Variants in OLIG1 observed in about 807,000 individuals in gnomAD.
OLIG1 encodes basic domain, helix-loop-helix protein, class B, 6.
OLIG1 carries 9 observed loss-of-function variants against 13.5 expected under a neutral mutation model. The observed-to-expected ratio is 0.67, with a 90% CI of 0.40 to 1.17. OLIG1 has a LOEUF of 1.17. Among genes scored for constraint, OLIG1 ranks in the 50% most tolerant of loss-of-function variants. The pLI, the probability that OLIG1 is intolerant of heterozygous loss-of-function variation, is 0.01. For synonymous variants in OLIG1, 215 were observed against 208.3 expected (o/e 1.03, Z -0.28); for missense variants, 362 against 392.2 (o/e 0.92, Z 0.65).
In OLIG1 at chr21:33,072,292, A is replaced by AT. The variant is rs1226996897; in HGVS notation, c.*1234dup. The AT allele has an allele frequency of 3.6e-5, 6 of 167,042 alleles. No homozygotes were observed. The highest frequency in any genetic ancestry group is 1.4e-4 in the African/African-American group (6 of 41,432). 10.3% of individuals were successfully genotyped at this position (167,042 alleles called of 1,614,324 possible). ...TATGACCTTTCCGCAGTTTACTTTG[A>AT]TTTTCTATGTTTAAGGTTTTGGTTG... On this transcript the variant is annotated 3_prime_UTR_variant, in exon 1 of 1. Transcript: ENST00000382348.
At position 33,071,135 on chromosome 21, in the gene OLIG1, T is replaced by A; in HGVS notation, c.*73T>A. 7.7e-7 allele frequency: 1 copy of A among 1,303,810 alleles called. No homozygotes were observed. The highest frequency in any genetic ancestry group is 1.0e-6 in the Non-Finnish European group (1 of 997,398). 80.8% of individuals were successfully genotyped at this position (1,303,810 alleles called of 1,614,324 possible). A position where few individuals can be genotyped will look rare whatever the true frequency, so the allele number is the denominator to read the frequency against. ...TCAGCTTCTCCGCGCCCCTGCTCCCTGCGTCTGGGAGAGCGAGGCCGAGCA... is the reference window on the plus strand; with the variant it reads ...TCAGCTTCTCCGCGCCCCTGCTCCCAGCGTCTGGGAGAGCGAGGCCGAGCA... On this transcript the variant is annotated 3_prime_UTR_variant, in exon 1 of 1. Transcript: ENST00000382348. This position sits in a 1 kb window ranked among gnomAD's most constrained non-coding sequence, Gnocchi z 6.0.
rs1982225001 is a variant in OLIG1 at position 33,071,392 on chromosome 21, T to C, written c.*330T>C. On this transcript the variant is annotated 3_prime_UTR_variant, in exon 1 of 1. Transcript: ENST00000382348. The surrounding 1 kb of genome is among the most constrained non-coding windows in gnomAD (Gnocchi z 6.0). ...GCGCTTCGCGGGGCCGATGTAGAAC[T>C]TAGGGCGCCTTGCCGTGGTTGGCGC... The C allele has an allele frequency of 5.1e-6, 1 of 197,930 alleles. No homozygotes were observed. The highest frequency in any genetic ancestry group is 6.2e-5 in the Admixed American group (1 of 16,018). 12.3% of individuals were successfully genotyped at this position (197,930 alleles called of 1,614,324 possible).
Position 33,071,059 on chromosome 21 carries a change from G to C in OLIG1, c.813G>C (p.Lys271Asn). 2 of 1,482,586 alleles carry C rather than the reference G, an allele frequency of 1.3e-6. No homozygotes were observed. The highest frequency in any genetic ancestry group is 1.8e-6 in the Non-Finnish European group (2 of 1,117,788). 91.8% of individuals were successfully genotyped at this position (1,482,586 alleles called of 1,614,324 possible). ...GLAAVQAQFS[K>N] ...CCGCCGTGCAGGCGCAATTCTCCAA[G>C]TGAGGGCGGGCCTGGGCCTGGGGCG... is the stretch of plus-strand genomic sequence containing the variant. The change falls in exon 1 of 1, where the codon AAG becomes AAC. Residue 271 changes from lysine to asparagine, a missense_variant. Physicochemically the swap from Lys to Asn is moderately conservative, Grantham distance 94. Coordinates refer to ENST00000382348, the MANE Select transcript of OLIG1 (RefSeq NM_138983.3). The surrounding 1 kb of genome is among the most constrained non-coding windows in gnomAD (Gnocchi z 6.0).
At position 33,070,876 on chromosome 21, in the gene OLIG1, C is replaced by T. The variant is rs1982205413; in HGVS notation, c.630C>T (p.Pro210=). Reference sequence around the variant, plus strand: ...TGCTGGCGCCCGGCGCCGTAGGACCCCCCGACGCGCTGCGCCCCGCCAAGT... The same window carrying T: ...TGCTGGCGCCCGGCGCCGTAGGACCTCCCGACGCGCTGCGCCCCGCCAAGT... ...SVLLAPGAVG[P]PDALRPAKYL... The change falls in exon 1 of 1, where the codon CCC becomes CCT. Residue 210 remains proline, a synonymous_variant. Coordinates refer to ENST00000382348, the MANE Select transcript of OLIG1 (RefSeq NM_138983.3). The surrounding 1 kb of genome is among the most constrained non-coding windows in gnomAD (Gnocchi z 5.9). The T allele has an allele frequency of 1.5e-6, 2 of 1,296,588 alleles. No homozygotes were observed. Among genetic ancestry groups the T allele is most frequent in the African/African-American group, 1.6e-5 (1 of 64,096 alleles). The allele number at this position is 1,296,588 out of a possible 1,614,324, so 80.3% of individuals were successfully genotyped here. A position where few individuals can be genotyped will look rare whatever the true frequency, so the allele number is the denominator to read the frequency against.
In OLIG1 at chr21:33,070,559, C is replaced by G. The variant is rs1296421457; in HGVS notation, c.313C>G (p.Gln105Glu). The change falls in exon 1 of 1, where the codon CAG (glutamine) becomes GAG (glutamate). Residue 105 changes from glutamine to glutamate, a missense_variant. By Grantham distance (29) the Gln-to-Glu change is conservative. Transcript: ENST00000382348. This position sits in a 1 kb window ranked among gnomAD's most constrained non-coding sequence, Gnocchi z 5.9. ...GGACGCCAAGGAGGAGCAGCAGCAG[C>G]AGCTGCGGCGCAAGATCAACAGCCG... ...RPDAKEEQQQ[Q>E]LRRKINSRER... 6.6e-7 allele frequency: 1 copy of G among 1,524,786 alleles called. No individual in the cohort carries two copies. Among genetic ancestry groups the G allele is most frequent in the Non-Finnish European group, 8.8e-7 (1 of 1,142,496 alleles). 94.5% of individuals were successfully genotyped at this position (1,524,786 alleles called of 1,614,324 possible).
At position 33,070,191 on chromosome 21, in the gene OLIG1, G is replaced by A. The variant is rs1375180382; in HGVS notation, c.-56G>A. ...CGCGGGGAGGGGCGGCCTGCCGACC[G>A]GCCCACCCCAGGGCGTTCCTGAAGG... On this transcript the variant is annotated 5_prime_UTR_variant, in exon 1 of 1. Coordinates refer to ENST00000382348, the MANE Select transcript of OLIG1 (RefSeq NM_138983.3). This position sits in a 1 kb window ranked among gnomAD's most constrained non-coding sequence, Gnocchi z 5.9. 7.1e-7 allele frequency: 1 copy of A among 1,416,538 alleles called. No homozygotes were observed. Among genetic ancestry groups the A allele is most frequent in the Non-Finnish European group, 9.2e-7 (1 of 1,082,876 alleles). The allele number at this position is 1,416,538 out of a possible 1,614,324, so 87.7% of individuals were successfully genotyped here.
chr21:33,070,759 G>A lies in OLIG1; in HGVS notation c.513G>A (p.Leu171=). ...TGCTGGGCAGCTCGCTGCAGGAGCT[G>A]CGCCGCGCGCTGGGCGAGGGCGCCG... ...ILLLGSSLQE[L]RRALGEGAGP... The change falls in exon 1 of 1, where the codon CTG becomes CTA. Residue 171 remains leucine (L), a synonymous_variant. Coordinates refer to ENST00000382348, the MANE Select transcript of OLIG1 (RefSeq NM_138983.3). This position sits in a 1 kb window ranked among gnomAD's most constrained non-coding sequence, Gnocchi z 5.9. The A allele has an allele frequency of 8.0e-7, 1 of 1,255,832 alleles. No individual in the cohort carries two copies. The highest frequency in any genetic ancestry group is 3.2e-5 in the South Asian group (1 of 31,282). 77.8% of individuals were successfully genotyped at this position (1,255,832 alleles called of 1,614,324 possible).
rs1015762881 is a variant in OLIG1, at chr21:33,071,387, A to T, written c.*325A>T. On this transcript the variant is annotated 3_prime_UTR_variant, in exon 1 of 1. Coordinates refer to ENST00000382348, the MANE Select transcript of OLIG1 (RefSeq NM_138983.3). This position sits in a 1 kb window ranked among gnomAD's most constrained non-coding sequence, Gnocchi z 6.0. The stretch of plus-strand genomic sequence containing the variant: ...GTTGCGCGCTTCGCGGGGCCGATGT[A>T]GAACTTAGGGCGCCTTGCCGTGGTT... 2 of 208,048 alleles carry T rather than the reference A, an allele frequency of 9.6e-6. No individual in the cohort carries two copies. Among genetic ancestry groups the T allele is most frequent in the South Asian group, 3.1e-4 (2 of 6,464 alleles). 12.9% of individuals were successfully genotyped at this position (208,048 alleles called of 1,614,324 possible). A position where few individuals can be genotyped will look rare whatever the true frequency, so the allele number is the denominator to read the frequency against.
In OLIG1 at chr21:33,070,926, C is replaced by T. The variant is rs1252217396; in HGVS notation, c.680C>T (p.Pro227Leu). 6.9e-7 allele frequency: 1 copy of T among 1,445,228 alleles called. No homozygotes were observed. Among genetic ancestry groups the T allele is most frequent in the Admixed American group, 2.7e-5 (1 of 37,488 alleles). The allele number at this position is 1,445,228 out of a possible 1,614,324, so 89.5% of individuals were successfully genotyped here. Residue 227 changes from proline (P) to leucine (L), a missense_variant, in exon 1 of 1, where the codon CCG becomes CTG. Pro to Leu is a moderately conservative substitution (Grantham distance 98). Coordinates refer to ENST00000382348, the MANE Select transcript of OLIG1 (RefSeq NM_138983.3). This position sits in a 1 kb window ranked among gnomAD's most constrained non-coding sequence, Gnocchi z 5.9. ...AKYLSLALDE[P>L]PCGQFALPGG... The stretch of plus-strand genomic sequence containing the variant: ...TACCTGTCGCTGGCGCTGGACGAGC[C>T]GCCGTGCGGCCAGTTCGCTCTCCCC...
Position 33,070,675 on chromosome 21 carries a change from G to T in OLIG1, c.429G>T (p.Ala143=), listed in dbSNP as rs1199595913. Reference sequence around the variant, plus strand: ...ACTCAGCGGCGCACTGCCAGGGCGCGCCCGGCCGCAAGCTCTCCAAGATAG... The same window carrying T: ...ACTCAGCGGCGCACTGCCAGGGCGCTCCCGGCCGCAAGCTCTCCAAGATAG... ...LPYSAAHCQG[A]PGRKLSKIAT... is the part of the protein sequence containing the mutation. Residue 143 remains alanine (A), a synonymous_variant, in exon 1 of 1, where the codon GCG becomes GCT. Transcript: ENST00000382348. This position sits in a 1 kb window ranked among gnomAD's most constrained non-coding sequence, Gnocchi z 5.9. 4 of 1,547,060 alleles carry T rather than the reference G, an allele frequency of 2.6e-6. No individual in the cohort carries two copies. Among genetic ancestry groups the T allele is most frequent in the Non-Finnish European group, 3.5e-6 (4 of 1,153,434 alleles).
rs914276953 is a variant in OLIG1, at chr21:33,070,370, CCCTCCTCCTCCTCCTCCTCCACCT to C, written c.130_153del (p.Ser44_Ser51del). 3 of 1,486,630 alleles carry C rather than the reference CCCTCCTCCTCCTCCTCCTCCACCT, an allele frequency of 2.0e-6. No homozygotes were observed. The African/African-American group carries it at 4.3e-5, about 21-fold the overall frequency. The allele number at this position is 1,486,630 out of a possible 1,614,324, so 92.1% of individuals were successfully genotyped here. On this transcript the variant is annotated inframe_deletion, in exon 1 of 1. Transcript: ENST00000382348. This position sits in a 1 kb window ranked among gnomAD's most constrained non-coding sequence, Gnocchi z 5.9. Reference sequence around the variant, plus strand: ...CGAGCTGGTGGGCTACAGGCAGCCGCCCTCCTCCTCCTCCTCCTCCACCTCCTCCACCTCCTCCACTTCCTCCTC... The same window carrying C: ...CGAGCTGGTGGGCTACAGGCAGCCGCCCTCCACCTCCTCCACTTCCTCCTC...
Position 33,070,353 on chromosome 21 carries a change from T to C in OLIG1, c.107T>C (p.Val36Ala). The change falls in exon 1 of 1, where the codon GTG (valine) becomes GCG (alanine). Residue 36 changes from valine (V) to alanine (A), a missense_variant. This residue lies in a region of OLIG1 where 206 missense variants were observed against 197.2 expected (regional missense o/e 1.04). Transcript: ENST00000382348. The surrounding 1 kb of genome is among the most constrained non-coding windows in gnomAD (Gnocchi z 5.9). ...CTCGGGGCCTCCCTCTACGAGCTGG[T>C]GGGCTACAGGCAGCCGCCCTCCTCC... ...LQLGASLYEL[V>A]GYRQPPSSSS... The C allele has an allele frequency of 6.5e-7, 1 of 1,546,324 alleles. No individual in the cohort carries two copies. The highest frequency in any genetic ancestry group is 8.7e-7 in the Non-Finnish European group (1 of 1,145,690).
rs1226646823 is a variant in OLIG1 at position 33,070,411 on chromosome 21, TTCC to T, written c.175_177del (p.Ser59del). 2.0e-6 allele frequency: 3 copies of T among 1,503,416 alleles called. No homozygotes were observed. Among genetic ancestry groups the T allele is most frequent in the African/African-American group, 1.7e-5 (1 of 59,832 alleles). The allele number at this position is 1,503,416 out of a possible 1,614,324, so 93.1% of individuals were successfully genotyped here. ...CCTCCACCTCCTCCACCTCCTCCACTTCCTCCTCCTCCACGACGGCCCCCCTCC... is the reference window on the plus strand; with the variant it reads ...CCTCCACCTCCTCCACCTCCTCCACTTCCTCCTCCACGACGGCCCCCCTCC... On this transcript the variant is annotated inframe_deletion, in exon 1 of 1. Transcript: ENST00000382348. This position sits in a 1 kb window ranked among gnomAD's most constrained non-coding sequence, Gnocchi z 5.9.
rs775216609 is a variant in OLIG1 at position 33,070,499 on chromosome 21, G to T, written c.253G>T (p.Gly85Trp). 5 of 1,503,026 alleles carry T rather than the reference G, an allele frequency of 3.3e-6. No individual in the cohort carries two copies. Among genetic ancestry groups the T allele is most frequent in the Non-Finnish European group, 4.4e-6 (5 of 1,132,066 alleles). 93.1% of individuals were successfully genotyped at this position (1,503,026 alleles called of 1,614,324 possible). A position where few individuals can be genotyped will look rare whatever the true frequency, so the allele number is the denominator to read the frequency against. The change falls in exon 1 of 1, where the codon GGG becomes TGG. Residue 85 changes from glycine to tryptophan, a missense_variant. Around this residue, in one of 3 missense-constraint regions of OLIG1, gnomAD observed 206 missense variants for 197.2 expected, o/e 1.04. Transcript: ENST00000382348. This position sits in a 1 kb window ranked among gnomAD's most constrained non-coding sequence, Gnocchi z 5.9. Reference protein sequence around the residue: ...APAEPPGPGPGSGAHPGGSAR... With the variant: ...APAEPPGPGPWSGAHPGGSAR... The stretch of plus-strand genomic sequence containing the variant: ...GGCCGAGCCTCCAGGCCCCGGGCCC[G>T]GGTCAGGCGCGCACCCGGGCGGCAG...
chr21:33,070,969 C>T lies in OLIG1; in HGVS notation c.723C>T (p.Gly241=). 1 of 1,432,352 alleles carries T rather than the reference C, an allele frequency of 7.0e-7. No homozygotes were observed. Among genetic ancestry groups the T allele is most frequent in the Non-Finnish European group, 9.1e-7 (1 of 1,095,516 alleles). The allele number at this position is 1,432,352 out of a possible 1,614,324, so 88.7% of individuals were successfully genotyped here. A position where few individuals can be genotyped will look rare whatever the true frequency, so the allele number is the denominator to read the frequency against. ...CTCTCCCCGGCGGCGGCGCAGGCGG[C>T]CCCGGCCTCTGCACCTGCGCCGTGT... ...QFALPGGGAG[G]PGLCTCAVCK... The change falls in exon 1 of 1, where the codon GGC becomes GGT. Residue 241 remains glycine (G), a synonymous_variant. Transcript: ENST00000382348. The surrounding 1 kb of genome is among the most constrained non-coding windows in gnomAD (Gnocchi z 5.9).
chr21:33,070,194 C>A lies in OLIG1; in HGVS notation c.-53C>A. 1 of 1,435,464 alleles carries A rather than the reference C, an allele frequency of 7.0e-7. No individual in the cohort carries two copies. The highest frequency in any genetic ancestry group is 2.8e-5 in the Admixed American group (1 of 36,004). 88.9% of individuals were successfully genotyped at this position (1,435,464 alleles called of 1,614,324 possible). On this transcript the variant is annotated 5_prime_UTR_variant, in exon 1 of 1. Transcript: ENST00000382348. The surrounding 1 kb of genome is among the most constrained non-coding windows in gnomAD (Gnocchi z 5.9). ...GGGGAGGGGCGGCCTGCCGACCGGC[C>A]CACCCCAGGGCGTTCCTGAAGGGCG...
In OLIG1 at chr21:33,071,104, C is replaced by T. The variant is rs777366990; in HGVS notation, c.*42C>T. On this transcript the variant is annotated 3_prime_UTR_variant, in exon 1 of 1. Transcript: ENST00000382348. The surrounding 1 kb of genome is among the most constrained non-coding windows in gnomAD (Gnocchi z 6.0). ...GGGGCGCGACCTCGGCCCGGCCTCC[C>T]TTCGCTCAGCTTCTCCGCGCCCCTG... is the stretch of plus-strand genomic sequence containing the variant. The T allele has an allele frequency of 7.0e-7, 1 of 1,426,760 alleles. No individual in the cohort carries two copies. The highest frequency in any genetic ancestry group is 2.9e-5 in the East Asian group (1 of 34,292). 88.4% of individuals were successfully genotyped at this position (1,426,760 alleles called of 1,614,324 possible).
chr21:33,071,255 G>A lies in OLIG1; in HGVS notation c.*193G>A, dbSNP rs892764429. On this transcript the variant is annotated 3_prime_UTR_variant, in exon 1 of 1. Transcript: ENST00000382348. This position sits in a 1 kb window ranked among gnomAD's most constrained non-coding sequence, Gnocchi z 6.0. ...CTGGGACGTTAAAGTGACCAGAGCG[G>A]ATGTTCGATGGCGCCTCGGGGCAGT... 3.9e-6 allele frequency: 2 copies of A among 515,172 alleles called. No individual in the cohort carries two copies. The highest frequency in any genetic ancestry group is 4.1e-5 in the African/African-American group (2 of 49,218). 31.9% of individuals were successfully genotyped at this position (515,172 alleles called of 1,614,324 possible). A position where few individuals can be genotyped will look rare whatever the true frequency, so the allele number is the denominator to read the frequency against.
rs569188383 is a variant in OLIG1, at chr21:33,071,105, T to C, written c.*43T>C. The C allele has an allele frequency of 9.1e-5, 130 of 1,426,260 alleles. No individual in the cohort carries two copies. In the African/African-American group the frequency reaches 1.9e-3, roughly 21 times the overall value. The allele number at this position is 1,426,260 out of a possible 1,614,324, so 88.4% of individuals were successfully genotyped here. A position where few individuals can be genotyped will look rare whatever the true frequency, so the allele number is the denominator to read the frequency against. ...GGGCGCGACCTCGGCCCGGCCTCCC[T>C]TCGCTCAGCTTCTCCGCGCCCCTGC... is the stretch of plus-strand genomic sequence containing the variant. On this transcript the variant is annotated 3_prime_UTR_variant, in exon 1 of 1. Coordinates refer to ENST00000382348, the MANE Select transcript of OLIG1 (RefSeq NM_138983.3). This position sits in a 1 kb window ranked among gnomAD's most constrained non-coding sequence, Gnocchi z 6.0.
Sources: gnomAD v4.1 joint callset for allele counts on GRCh38, gnomAD v4.1.1 for gene constraint, gnomAD v4.1.1 regional missense constraint, Gnocchi (gnomAD v3.1) non-coding constraint, MANE v1.5 for transcripts, NCBI Gene and HGNC (gene_info 2026-07-23, HGNC 2026-07-21) for gene names.